The following DNAJB4 variants were observed in gnomAD, a reference collection of about 807,000 sequenced individuals.
The protein encoded by DNAJB4 is DnaJ heat shock protein family (Hsp40) member B4.
In DNAJB4, 10 loss-of-function variants were observed where a neutral mutation model predicts 26.6. The observed-to-expected ratio is 0.38, with a 90% CI of 0.23 to 0.64. DNAJB4 has a LOEUF of 0.64. Among genes scored for constraint, DNAJB4 ranks in the 30% least tolerant of loss-of-function variants. The probability of loss-of-function intolerance (pLI) is 0.58; values close to 1 mark genes in which losing one functional copy is unlikely to be tolerated. For missense variants in DNAJB4, 328 were observed against 408.2 expected (o/e 0.80, Z 1.69); for synonymous variants, 136 against 134.8 (o/e 1.01, Z -0.06).
intron 1 of DNAJB4, among the ~76,000 whole-genome samples, chr1:77,986,929 G>A (rs933983489): frequency 3.9e-5 from 6 of 151,984 alleles, no homozygotes; most frequent in Admixed American, 3.3e-4. Context: ...CATAATGGTT[G>A]CCACAGTTCC....
chr1:77,980,529 T>A (rs1158387795), intron 1 of DNAJB4, among the ~76,000 whole-genome samples: 3 of 152,148 alleles, frequency 2.0e-5, no homozygotes, highest in Admixed American at 6.6e-5. Flanking sequence ...TCTTTATTAT[T>A]GAGTATATCA....
Position 78,016,374 on chromosome 1 carries a change from A to G in DNAJB4, c.*127A>G, listed in dbSNP as rs1660643687. The G allele has an allele frequency of 2.6e-6, 2 of 771,824 alleles. No individual in the cohort carries two copies. The highest frequency in any genetic ancestry group is 3.0e-5 in the Admixed American group (1 of 33,610). The allele number at this position is 771,824 out of a possible 1,614,324, so 47.8% of individuals were successfully genotyped here. On this transcript the variant is annotated 3_prime_UTR_variant, in exon 3 of 3. Coordinates refer to ENST00000370763, the MANE Select transcript of DNAJB4 (RefSeq NM_007034.5). ...TTCTTTTGAGGGTTCATTAAATTGC[A>G]TGAATAGAGACGGGTCAAATAAATA...
rs1215656150 is a variant in DNAJB4 at position 78,013,109 on chromosome 1, T to C, written c.270T>C (p.Phe90=). 1 of 1,614,092 alleles carries C rather than the reference T, an allele frequency of 6.2e-7. No homozygotes were observed. The highest frequency in any genetic ancestry group is 1.3e-5 in the African/African-American group (1 of 75,046). ...DGQGGTFRYT[F]HGDPHATFAA... ...AAGGAGGTACCTTCCGGTACACCTT[T>C]CATGGCGATCCTCATGCTACATTTG... Residue 90 remains phenylalanine (F), a synonymous_variant, in exon 2 of 3, where the codon TTT becomes TTC. Transcript: ENST00000370763.
At chr1:77,983,593 T>C (rs899214512) in intron 1 of DNAJB4, among the ~76,000 whole-genome samples, 1 of 152,210 alleles carries the variant, frequency 6.6e-6, no homozygotes, top group African/African-American at 2.4e-5. Flanking sequence ...GTGATGACTC[T>C]TAAGGAGAGT....
At chr1:77,987,625 A>G (rs1283246641) in intron 1 of DNAJB4, among the ~76,000 whole-genome samples, 1 of 152,156 alleles carries the variant, frequency 6.6e-6, no homozygotes, top group East Asian at 1.9e-4. Flanking sequence ...TCTCTATTTT[A>G]GTAAGTAGCA....
chr1:77,991,257 A>AT (rs1376955676), intron 1 of DNAJB4, among the ~76,000 whole-genome samples: 4 of 152,140 alleles, frequency 2.6e-5, no homozygotes, highest in Non-Finnish European at 5.9e-5. Flanking sequence ...TTCAAAAACA[A>AT]TTTTTTAACT....
At chr1:78,013,680 G>C in intron 2 of DNAJB4, 61 bp downstream of exon 2, 2 of 1,282,878 alleles carry the variant, frequency 1.6e-6, no homozygotes, top group Non-Finnish European at 2.1e-6. Flanking sequence ...CATAGGGAGT[G>C]TATCTAGATA....
chr1:78,013,316 A>G lies in DNAJB4; in HGVS notation c.477A>G (p.Pro159=), dbSNP rs1660544027. ...CATCCCGCCTCAAACAAGATCCTCC[A>G]GTTATTCATGAACTTAGAGTATCAC... ...VGPSRLKQDP[P]VIHELRVSLE... Residue 159 remains proline, a synonymous_variant, in exon 2 of 3, where the codon CCA becomes CCG. Transcript: ENST00000370763. 2 of 1,614,038 alleles carry G rather than the reference A, an allele frequency of 1.2e-6. No individual in the cohort carries two copies. Among genetic ancestry groups the G allele is most frequent in the Admixed American group, 1.7e-5 (1 of 59,990 alleles).
rs115896979 is a variant in DNAJB4 at position 77,997,980 on chromosome 1, G to A, written c.-31-7100G>A. Among the ~76,000 whole-genome samples, 584 of 152,154 alleles carry A rather than the reference G, an allele frequency of 3.8e-3. 3 individuals carry two copies. The highest frequency in any genetic ancestry group is 0.013 in the African/African-American group (558 of 41,522). ...TTTTGTATTTTCACGGGGTTTTACC[G>A]TGTTGGCTGGTCTTGAACTCCTGGC... is the stretch of plus-strand genomic sequence containing the variant. On this transcript the variant is annotated intron_variant, in intron 1 of 2. Transcript: ENST00000426517.
chr1:77,982,741 T>C (rs1179895041), intron 1 of DNAJB4, among the ~76,000 whole-genome samples: 1 of 152,182 alleles, frequency 6.6e-6, no homozygotes, highest in African/African-American at 2.4e-5. Flanking sequence ...GAGGTTGCAG[T>C]GAGCTGAGAT....
chr1:77,998,893 C>T (rs1022050844), intron 1 of DNAJB4, among the ~76,000 whole-genome samples: 1 of 152,058 alleles, frequency 6.6e-6, no homozygotes, highest in African/African-American at 2.4e-5. Context: ...CTTGGCAACA[C>T]ATACACAATA....
intron 2 of DNAJB4, among the ~76,000 whole-genome samples, chr1:78,014,055 A>T (rs1046635828): frequency 1.3e-5 from 2 of 151,998 alleles, no homozygotes; most frequent in African/African-American, 2.4e-5. Context: ...GTGCATATAA[A>T]TATATACATT....
chr1:77,994,847 A>G (rs1660024047), intron 1 of DNAJB4, among the ~76,000 whole-genome samples: 1 of 152,184 alleles, frequency 6.6e-6, no homozygotes, highest in African/African-American at 2.4e-5. Flanking sequence ...TATATGGATG[A>G]ACAATGTAGT....
At chr1:77,982,563 C>CTGTAATCCTAGCACTTTG (rs11276171) in intron 1 of DNAJB4, among the ~76,000 whole-genome samples, 1 of 151,746 alleles carries the variant, frequency 6.6e-6, no homozygotes, top group Non-Finnish European at 1.5e-5. Context: ...TGCCTCATGC[C>CTGTAATCCTAGCACTTTG]GAGGCGGGTG....
intron 1 of DNAJB4, among the ~76,000 whole-genome samples, chr1:77,986,615 T>TGACC (rs1659797620): frequency 6.6e-6 from 1 of 152,250 alleles, no homozygotes; most frequent in African/African-American, 2.4e-5. Flanking sequence ...TGGAGTCGGA[T>TGACC]GAACTTCAAA....
At chr1:78,003,187 C>G (rs1042922006), upstream of DNAJB4, among the ~76,000 whole-genome samples, 33 of 152,064 alleles carry the variant, frequency 2.2e-4, no homozygotes, top group African/African-American at 8.0e-4. Context: ...TGATACTGAT[C>G]CTTGCACTGG....
chr1:77,989,504 A>G (rs1659883058), intron 1 of DNAJB4, among the ~76,000 whole-genome samples: 2 of 152,166 alleles, frequency 1.3e-5, no homozygotes, highest in Admixed American at 6.5e-5. Context: ...ATTGGTCACA[A>G]TTCTATCTAC....
At chr1:77,989,226 A>C (rs1659877165) in intron 1 of DNAJB4, among the ~76,000 whole-genome samples, 1 of 152,124 alleles carries the variant, frequency 6.6e-6, no homozygotes, top group Non-Finnish European at 1.5e-5. Context: ...TTCACGTCTC[A>C]TCTACTGGTA....
At chr1:78,007,355 G>A (rs1320482888) in intron 1 of DNAJB4, among the ~76,000 whole-genome samples, 3 of 152,090 alleles carry the variant, frequency 2.0e-5, no homozygotes, top group Non-Finnish European at 4.4e-5. Context: ...GCCGAGACAG[G>A]CGATCACCTG....
Sources: gnomAD v4.1 joint callset for allele counts (sites outside exome capture counted in the v4.1 genomes callset) on GRCh38, gnomAD v4.1.1 for gene constraint, MANE v1.5 for transcripts, NCBI Gene and HGNC (gene_info 2026-07-23, HGNC 2026-07-21) for gene names.